Variants in STAG1 observed in about 807,000 individuals in gnomAD.
STAG1 encodes STAG1 cohesin complex component.
A neutral mutation model predicts 170.9 loss-of-function variants in STAG1; 26 were observed. The ratio of observed to expected loss-of-function variants is 0.15; its 90% confidence interval spans 0.11 to 0.21. The LOEUF (loss-of-function observed/expected upper bound fraction) is 0.21. Among genes scored for constraint, STAG1 ranks in the 10% least tolerant of loss-of-function variants. The pLI, the probability that STAG1 is intolerant of heterozygous loss-of-function variation, is 1.00. For synonymous variants in STAG1, 514 were observed against 497.7 expected (o/e 1.03, Z -0.44); for missense variants, 964 against 1,509.5 (o/e 0.64, Z 5.99).
intron 12 of STAG1, among the ~76,000 whole-genome samples, chr3:136,472,062 C>T (rs2089641338): frequency 2.0e-5 from 3 of 152,020 alleles, no homozygotes; most frequent in Admixed American, 6.6e-5. Context: ...GTCTTGAACC[C>T]CTGGGCTCAA....
At chr3:136,702,115 G>GAGAGAGAGAGAGAC (rs1943093054) in intron 1 of STAG1, among the ~76,000 whole-genome samples, 7 of 66,396 alleles carry the variant, frequency 1.1e-4, no homozygotes, top group Non-Finnish European at 1.8e-4. Context: ...GAGAGAGAGA[G>GAGAGAGAGAGAGAC]AGAGAGACAG....
chr3:136,369,331 A>G lies in STAG1; in HGVS notation c.2371-49T>C, dbSNP rs116779564. ...AGCAAAATATTACACAAATATAACT[A>G]CAAGTCAACATTAATGAAAATGTAT... is the stretch of plus-strand genomic sequence containing the variant. On this transcript the variant is annotated intron_variant, in intron 23 of 33. Transcript: ENST00000383202. The G allele has an allele frequency of 8.5e-4, 1,210 of 1,419,970 alleles. 11 individuals are homozygous for G. In the African/African-American group the frequency reaches 0.017, roughly 20 times the overall value. The allele number at this position is 1,419,970 out of a possible 1,614,324, so 88.0% of individuals were successfully genotyped here.
chr3:136,390,427 C>G (rs1308869277), intron 22 of STAG1, among the ~76,000 whole-genome samples: 1 of 152,080 alleles, frequency 6.6e-6, no homozygotes, highest in Non-Finnish European at 1.5e-5. Context: ...GGATATTAAA[C>G]AAGACCTGTA....
At chr3:136,730,621 T>A (rs1266072023) in intron 1 of STAG1, among the ~76,000 whole-genome samples, 1 of 152,222 alleles carries the variant, frequency 6.6e-6, no homozygotes, top group Non-Finnish European at 1.5e-5. Context: ...CAACTCTCAC[T>A]GTGCATCAGA....
chr3:136,597,199 C>G (rs963507800), intron 4 of STAG1, among the ~76,000 whole-genome samples: 1 of 151,684 alleles, frequency 6.6e-6, no homozygotes, highest in Non-Finnish European at 1.5e-5. Flanking sequence ...AATATTCATT[C>G]CTATATATGC....
chr3:136,501,432 A>C lies in STAG1; in HGVS notation c.829-1136T>G, dbSNP rs561672425. ...TGGAGTAGGGGAGGACCCTAATCCA[A>C]TATGACTGATGTCCTTAAGAAGGGA... On this transcript the variant is annotated intron_variant, in intron 8 of 33. Transcript: ENST00000383202. Among the ~76,000 whole-genome samples the C allele has an allele frequency of 2.0e-4, 30 of 152,312 alleles. No homozygotes were observed. The South Asian group carries it at 5.8e-3, about 29-fold the overall frequency.
chr3:136,721,448 A>T (rs1032933789), intron 1 of STAG1: 14 of 152,176 alleles, frequency 9.2e-5, no homozygotes, highest in Non-Finnish European at 2.1e-4. Flanking sequence ...GGCCATGCTA[A>T]TCTCTATATG....
rs540660819 is a variant in STAG1 at position 136,577,395 on chromosome 3, A to C, written c.298-8534T>G. ...CTCACCAAGTTTCTCATCTGGAAGT[A>C]AGGATCTTAACTGGCAAAGAATGGG... On this transcript the variant is annotated intron_variant, in intron 4 of 33. Coordinates refer to ENST00000383202, the MANE Select transcript of STAG1 (RefSeq NM_005862.3). Among the ~76,000 whole-genome samples the C allele has an allele frequency of 2.6e-4, 40 of 152,334 alleles. 1 individual carries two copies. The highest frequency in any genetic ancestry group is 7.2e-4 in the Admixed American group (11 of 15,304).
At chr3:136,568,907 AT>A in intron 4 of STAG1, 46 bp from the exon 5 acceptor site, 2 of 1,377,160 alleles carry the variant, frequency 1.5e-6, no homozygotes, top group Non-Finnish European at 2.0e-6. Context: ...AAAATTTGAT[AT>A]TATAGCAAAT....
At chr3:136,443,141 A>C (rs2088680801) in intron 15 of STAG1, 146 bp downstream of exon 15, 1 of 502,694 alleles carries the variant, frequency 2.0e-6, no homozygotes, top group African/African-American at 1.9e-5. Context: ...ACACATCCTT[A>C]CTTGTTACAG....
chr3:136,731,183 A>C (rs960235797), intron 1 of STAG1, among the ~76,000 whole-genome samples: 16 of 152,256 alleles, frequency 1.1e-4, no homozygotes, highest in African/African-American at 3.9e-4. Context: ...TCCTTCAGGA[A>C]GCATTTGCTC....
intron 14 of STAG1, among the ~76,000 whole-genome samples, chr3:136,446,109 A>G (rs1336415587): frequency 6.6e-6 from 1 of 152,160 alleles, no homozygotes; most frequent in Non-Finnish European, 1.5e-5. Context: ...TTTATCCGTT[A>G]TCAAAATCCT....
rs1362127936 is a variant in STAG1, at chr3:136,577,454, T to C, written c.298-8593A>G. On this transcript the variant is annotated intron_variant, in intron 4 of 33. Coordinates refer to ENST00000383202, the MANE Select transcript of STAG1 (RefSeq NM_005862.3). ...ACTTGGAACAGAGAAATCTGGTTGGTCCCAGATCAAACTAACAATTTTGAA... is the reference window on the plus strand; with the variant it reads ...ACTTGGAACAGAGAAATCTGGTTGGCCCCAGATCAAACTAACAATTTTGAA... Among the ~76,000 whole-genome samples the C allele has an allele frequency of 2.6e-5, 4 of 152,314 alleles. No individual in the cohort carries two copies. The East Asian group carries it at 5.8e-4, about 22-fold the overall frequency.
intron 16 of STAG1, among the ~76,000 whole-genome samples, chr3:136,428,134 G>A (rs1296758764): frequency 3.3e-5 from 5 of 151,664 alleles, no homozygotes; most frequent in Admixed American, 3.3e-4. Context: ...AGAGAGGTGA[G>A]TACCACTTTA....
chr3:136,613,079 G>A (rs1939383949), intron 3 of STAG1, among the ~76,000 whole-genome samples: 1 of 151,998 alleles, frequency 6.6e-6, no homozygotes, highest in Non-Finnish European at 1.5e-5. Context: ...GAGGTGGGCG[G>A]ATCACGAGGT....
chr3:136,648,723 G>T (rs968697608), intron 1 of STAG1, among the ~76,000 whole-genome samples: 9 of 152,078 alleles, frequency 5.9e-5, no homozygotes, highest in African/African-American at 1.9e-4. Context: ...ACCATATCCT[G>T]ACTATTTTAC....
intron 5 of STAG1, among the ~76,000 whole-genome samples, chr3:136,549,232 T>C (rs1936283665): frequency 6.6e-6 from 1 of 152,216 alleles, no homozygotes; most frequent in Non-Finnish European, 1.5e-5. Context: ...TACAACTAAA[T>C]TTATATGTTG....
chr3:136,383,311 G>A (rs1938078672), intron 22 of STAG1, among the ~76,000 whole-genome samples: 1 of 152,028 alleles, frequency 6.6e-6, no homozygotes, highest in Non-Finnish European at 1.5e-5. Flanking sequence ...AAAAAGATTT[G>A]GAATAGGGCA....
At chr3:136,737,199 C>T (rs1488150540) in intron 1 of STAG1, 5 of 695,642 alleles carry the variant, frequency 7.2e-6, no homozygotes, top group East Asian at 2.9e-5. Context: ...CTCCGCCACA[C>T]GAAGTCCCGC....
Sources: gnomAD v4.1 joint callset for allele counts (sites outside exome capture counted in the v4.1 genomes callset) on GRCh38, gnomAD v4.1.1 for gene constraint, MANE v1.5 for transcripts, NCBI Gene and HGNC (gene_info 2026-07-23, HGNC 2026-07-21) for gene names.